The following AGAP1 variants were observed in gnomAD, a reference collection of about 807,000 sequenced individuals.
AGAP1 encodes ArfGAP with GTPase domain, ankyrin repeat and PH domain 1.
A neutral mutation model predicts 105.3 loss-of-function variants in AGAP1; 29 were observed. The observed-to-expected ratio is 0.28, with a 90% CI of 0.21 to 0.38. The LOEUF is 0.38. Among genes scored for constraint, AGAP1 ranks in the 10% least tolerant of loss-of-function variants. The probability of loss-of-function intolerance (pLI) is 1.00; values close to 1 mark genes in which losing one functional copy is unlikely to be tolerated. For synonymous variants in AGAP1, 509 were observed against 485.9 expected (o/e 1.05, Z -0.63); for missense variants, 998 against 1,165.1 (o/e 0.86, Z 2.09).
intron 1 of AGAP1, among the ~76,000 whole-genome samples, chr2:235,649,635 G>C (rs530260505): frequency 2.6e-5 from 4 of 152,162 alleles, no homozygotes; most frequent in African/African-American, 4.8e-5. Context: ...GCCTCCCAGA[G>C]TGCTAGGAAT....
Position 235,577,753 on chromosome 2 carries a change from C to T in AGAP1, c.163+82904C>T, listed in dbSNP as rs1944782322. Among the ~76,000 whole-genome samples the T allele has an allele frequency of 6.6e-6, 1 of 152,142 alleles. No homozygotes were observed. Among genetic ancestry groups the T allele is most frequent in the Non-Finnish European group, 1.5e-5 (1 of 68,026 alleles). On this transcript the variant is annotated intron_variant, in intron 1 of 17. Transcript: ENST00000304032. The surrounding 1 kb of genome is among the most constrained non-coding windows in gnomAD (Gnocchi z 4.5). ...AAACAAAAAGTGCATTCAACACAGG[C>T]TTGTCTGCTGGCCTCCCCCGGGAGA...
In AGAP1 at chr2:235,967,500, C is replaced by G. The variant is rs2054454793; in HGVS notation, c.1484-962C>G. Among the ~76,000 whole-genome samples the G allele has an allele frequency of 6.6e-6, 1 of 152,194 alleles. No homozygotes were observed. Among genetic ancestry groups the G allele is most frequent in the Admixed American group, 6.5e-5 (1 of 15,282 alleles). On this transcript the variant is annotated intron_variant, in intron 12 of 17. Coordinates refer to ENST00000304032, the MANE Select transcript of AGAP1 (RefSeq NM_001037131.3). The surrounding 1 kb of genome is among the most constrained non-coding windows in gnomAD (Gnocchi z 4.7). ...GGGGCAGGAATGTTTATCTGTTTCTCCTCGATCAATGATGGCTGCCAAGCA... is the reference window on the plus strand; with the variant it reads ...GGGGCAGGAATGTTTATCTGTTTCTGCTCGATCAATGATGGCTGCCAAGCA...
intron 9 of AGAP1, among the ~76,000 whole-genome samples, chr2:235,819,406 C>T (rs1007443561): frequency 1.3e-5 from 2 of 152,106 alleles, no homozygotes; most frequent in Non-Finnish European, 2.9e-5. Flanking sequence ...TGAGCCACTG[C>T]GCCTGGCAGG....
At chr2:236,017,020 G>A (rs2056727783) in intron 13 of AGAP1, among the ~76,000 whole-genome samples, 1 of 152,014 alleles carries the variant, frequency 6.6e-6, no homozygotes, top group Admixed American at 6.6e-5. Context: ...CAGACGCAGT[G>A]GCTCATACCT....
At chr2:235,699,476 C>T (rs1057406372) in intron 1 of AGAP1, among the ~76,000 whole-genome samples, 15 of 152,144 alleles carry the variant, frequency 9.9e-5, no homozygotes, top group African/African-American at 3.4e-4. Context: ...TTCTGTGACT[C>T]CTTTGAATTC....
At position 235,729,722 on chromosome 2, in the gene AGAP1, C is replaced by T. The variant is rs919859717; in HGVS notation, c.311-11241C>T. Among the ~76,000 whole-genome samples the T allele has an allele frequency of 6.6e-6, 1 of 152,100 alleles. No homozygotes were observed. The highest frequency in any genetic ancestry group is 1.5e-5 in the Non-Finnish European group (1 of 68,018). On this transcript the variant is annotated intron_variant, in intron 3 of 17. Transcript: ENST00000304032. This position sits in a 1 kb window ranked among gnomAD's most constrained non-coding sequence, Gnocchi z 5.0. The stretch of plus-strand genomic sequence containing the variant: ...GAATTACAAATGCGTTTTCCAGAGT[C>T]CCCAGAGAAAAAGGAGTCTGGCAGT...
In AGAP1 at chr2:236,101,712, C is replaced by T. The variant is rs963507638; in HGVS notation, c.2115-18480C>T. 3.9e-5 allele frequency among the ~76,000 whole-genome samples: 6 copies of T among 152,206 alleles called. No homozygotes were observed. The highest frequency in any genetic ancestry group is 4.1e-4 in the South Asian group (2 of 4,830). On this transcript the variant is annotated intron_variant, in intron 16 of 17. Transcript: ENST00000304032. The surrounding 1 kb of genome is among the most constrained non-coding windows in gnomAD (Gnocchi z 4.9). ...TCACATCAGCCGCTGTTATGGTGAA[C>T]GGAATTCACTGTGATGGCGGCTGCA...
rs112680412 is a variant in AGAP1 at position 235,909,320 on chromosome 2, A to G, written c.1324+414A>G. Among the ~76,000 whole-genome samples, 1,037 of 152,348 alleles carry G rather than the reference A, an allele frequency of 6.8e-3. 5 individuals carry two copies. Among genetic ancestry groups the G allele is most frequent in the Middle Eastern group, 0.01 (3 of 294 alleles). On this transcript the variant is annotated intron_variant, in intron 11 of 17. Coordinates refer to ENST00000304032, the MANE Select transcript of AGAP1 (RefSeq NM_001037131.3). ...TCAGAGGAAACCATTTGACCTATAT[A>G]AAATGTAAATTCTGTGTTGTTATAT...
chr2:235,700,001 A>T lies in AGAP1; in HGVS notation c.164-9178A>T, dbSNP rs1164068745. Among the ~76,000 whole-genome samples, 1 of 152,158 alleles carries T rather than the reference A, an allele frequency of 6.6e-6. No homozygotes were observed. Among genetic ancestry groups the T allele is most frequent in the African/African-American group, 2.4e-5 (1 of 41,412 alleles). ...GAACTTCTTCCCTGCATCTGTGAAC[A>T]AGCTTGTACTCAGCCTGTAGGTTAA... On this transcript the variant is annotated intron_variant, in intron 1 of 17. Transcript: ENST00000304032. This position sits in a 1 kb window ranked among gnomAD's most constrained non-coding sequence, Gnocchi z 6.1.
chr2:235,904,634 T>C lies in AGAP1; in HGVS notation c.1156-4104T>C, dbSNP rs1358137030. Among the ~76,000 whole-genome samples, 1 of 152,166 alleles carries C rather than the reference T, an allele frequency of 6.6e-6. No individual in the cohort carries two copies. Among genetic ancestry groups the C allele is most frequent in the Admixed American group, 6.5e-5 (1 of 15,282 alleles). ...TTGCATATCAAAATCAAGCTTCCTGTCTTAATTTTACCGAGGTCCCTAACT... is the reference window on the plus strand; with the variant it reads ...TTGCATATCAAAATCAAGCTTCCTGCCTTAATTTTACCGAGGTCCCTAACT... On this transcript the variant is annotated intron_variant, in intron 10 of 17. Transcript: ENST00000304032. The surrounding 1 kb of genome is among the most constrained non-coding windows in gnomAD (Gnocchi z 4.2).
chr2:235,709,140 G>C (rs1233772619), intron 1 of AGAP1, 39 bp from the exon 2 acceptor site: 5 of 1,609,330 alleles, frequency 3.1e-6, no homozygotes, highest in East Asian at 2.2e-5. Flanking sequence ...GCCTTTACGT[G>C]AGTTATGGTG....
intron 9 of AGAP1, among the ~76,000 whole-genome samples, chr2:235,878,370 C>T (rs1042900751): frequency 2.0e-5 from 3 of 152,150 alleles, no homozygotes; most frequent in East Asian, 1.9e-4. Context: ...AATCTGGCCA[C>T]GTGGGACCCT....
At chr2:236,004,040 C>T in intron 13 of AGAP1, among the ~76,000 whole-genome samples, 1 of 152,268 alleles carries the variant, frequency 6.6e-6, no homozygotes, top group Non-Finnish European at 1.5e-5. Flanking sequence ...CAATGGGCAC[C>T]TCGTATCTTG....
chr2:235,896,025 T>C (rs535494577), intron 10 of AGAP1, among the ~76,000 whole-genome samples: 1 of 152,346 alleles, frequency 6.6e-6, no homozygotes, highest in African/African-American at 2.4e-5. Flanking sequence ...TAGTATCATA[T>C]ACGTTCACGT....
At chr2:235,699,143 A>C (rs1357950267) in intron 1 of AGAP1, among the ~76,000 whole-genome samples, 1 of 149,434 alleles carries the variant, frequency 6.7e-6, no homozygotes, top group African/African-American at 2.4e-5. Context: ...GTCGGGCAGG[A>C]CGTCCCTACA....
chr2:235,829,125 C>T (rs1394870037), intron 9 of AGAP1, among the ~76,000 whole-genome samples: 4 of 152,370 alleles, frequency 2.6e-5, no homozygotes, highest in African/African-American at 7.2e-5. Context: ...CTACAACCTG[C>T]GTTTCCCTGT....
In AGAP1 at chr2:235,866,471, C is replaced by T; in HGVS notation, c.1051-16874C>T. On this transcript the variant is annotated intron_variant, in intron 9 of 17. Coordinates refer to ENST00000304032, the MANE Select transcript of AGAP1 (RefSeq NM_001037131.3). The surrounding 1 kb of genome is among the most constrained non-coding windows in gnomAD (Gnocchi z 6.1). The stretch of plus-strand genomic sequence containing the variant: ...GAGACAGCGGAAGTCCCCAGTGTGA[C>T]ACCAGGGCCTGTGGGGCGTATTTGG... Among the ~76,000 whole-genome samples the T allele has an allele frequency of 6.6e-6, 1 of 152,180 alleles. No homozygotes were observed. Among genetic ancestry groups the T allele is most frequent in the East Asian group, 1.9e-4 (1 of 5,184 alleles).
At position 235,905,333 on chromosome 2, in the gene AGAP1, G is replaced by A. The variant is rs538303982; in HGVS notation, c.1156-3405G>A. Among the ~76,000 whole-genome samples the A allele has an allele frequency of 2.0e-5, 3 of 152,224 alleles. No homozygotes were observed. Among genetic ancestry groups the A allele is most frequent in the African/African-American group, 7.2e-5 (3 of 41,502 alleles). ...AGTTGATATTTTTAAAGGAGTAACT[G>A]TGCAAGAAGGAATTCATTATTTACA... On this transcript the variant is annotated intron_variant, in intron 10 of 17. Transcript: ENST00000304032. The surrounding 1 kb of genome is among the most constrained non-coding windows in gnomAD (Gnocchi z 4.2).
intron 12 of AGAP1, among the ~76,000 whole-genome samples, chr2:235,966,264 T>C (rs1223255745): frequency 1.8e-5 from 2 of 112,944 alleles, no homozygotes; most frequent in Non-Finnish European, 3.7e-5. Context: ...CCTCTGGGGA[T>C]GGAGGAGAGG....
Sources: gnomAD v4.1 joint callset for allele counts (sites outside exome capture counted in the v4.1 genomes callset) on GRCh38, gnomAD v4.1.1 for gene constraint, Gnocchi (gnomAD v3.1) non-coding constraint, MANE v1.5 for transcripts, NCBI Gene and HGNC (gene_info 2026-07-23, HGNC 2026-07-21) for gene names.